SOX5: variants seen among roughly 807,000 people sequenced by gnomAD.
The protein encoded by SOX5 is SRY-box transcription factor 5.
A neutral mutation model predicts 92.0 loss-of-function variants in SOX5; 9 were observed. That is an observed-to-expected ratio of 0.10 (90% CI 0.06 to 0.17). SOX5 has a LOEUF of 0.17. Ranked by LOEUF, SOX5 falls within the 10% of genes least tolerant of loss-of-function variation. SOX5 has a pLI of 1.00. For missense variants in SOX5, 642 were observed against 944.5 expected (o/e 0.68, Z 4.20); for synonymous variants, 344 against 336.3 (o/e 1.02, Z -0.25).
upstream of SOX5, among the ~76,000 whole-genome samples, chr12:23,955,881 G>C (rs1182912318): frequency 2.6e-5 from 4 of 152,114 alleles, no homozygotes; most frequent in East Asian, 7.7e-4. Context: ...GGAACATCCT[G>C]CAAGACATTT....
At chr12:23,547,063 C>G (rs1254722390) in intron 11 of SOX5, among the ~76,000 whole-genome samples, 1 of 151,964 alleles carries the variant, frequency 6.6e-6, no homozygotes, top group Non-Finnish European at 1.5e-5. Context: ...ACAAATATAC[C>G]AAAATTAGAT....
At chr12:23,664,186 A>C (rs1403129520) in intron 7 of SOX5, among the ~76,000 whole-genome samples, 1 of 152,142 alleles carries the variant, frequency 6.6e-6, no homozygotes, top group African/African-American at 2.4e-5. Context: ...TAAATGTTGA[A>C]ATCCCCAATG....
At chr12:23,744,852 A>G (rs956488259) in intron 4 of SOX5, among the ~76,000 whole-genome samples, 23 of 152,154 alleles carry the variant, frequency 1.5e-4, no homozygotes, top group African/African-American at 5.5e-4. Context: ...TCTGGATGCT[A>G]GAAGTCTAAG....
chr12:23,711,472 T>C lies in SOX5; in HGVS notation c.810+23212A>G, dbSNP rs144858622. On this transcript the variant is annotated intron_variant, in intron 6 of 14. Transcript: ENST00000451604. ...ATATATATTTATGCCAAATCAACAATGTTGCTACACACATGCTGTATATCT... is the reference window on the plus strand; with the variant it reads ...ATATATATTTATGCCAAATCAACAACGTTGCTACACACATGCTGTATATCT... 3.9e-3 allele frequency among the ~76,000 whole-genome samples: 591 copies of C among 152,274 alleles called. 4 individuals are homozygous for C. Among genetic ancestry groups the C allele is most frequent in the African/African-American group, 0.013 (551 of 41,572 alleles).
At chr12:23,746,131 C>A (rs75476551) in intron 4 of SOX5, among the ~76,000 whole-genome samples, 2,115 of 152,200 alleles carry the variant, frequency 0.014, 49 homozygotes, top group African/African-American at 0.048. Context: ...GAAGTCCATC[C>A]CACGGCTTCA....
chr12:23,642,730 A>C (rs1730273498), intron 7 of SOX5, among the ~76,000 whole-genome samples: 1 of 152,196 alleles, frequency 6.6e-6, no homozygotes, highest in Non-Finnish European at 1.5e-5. Flanking sequence ...GGTTGAGTAA[A>C]ATCACTTGGG....
intron 4 of SOX5, among the ~76,000 whole-genome samples, chr12:24,088,534 T>C (rs1051901282): frequency 6.6e-6 from 1 of 151,976 alleles, no homozygotes; most frequent in Non-Finnish European, 1.5e-5. Context: ...AACACACATA[T>C]GAATTTGATA....
chr12:23,915,279 T>C (rs905910429), intron 1 of SOX5, among the ~76,000 whole-genome samples: 2 of 152,172 alleles, frequency 1.3e-5, no homozygotes, highest in Non-Finnish European at 2.9e-5. Context: ...GAATATCATT[T>C]AAACCACTTA....
intron 3 of SOX5, among the ~76,000 whole-genome samples, chr12:23,830,374 A>G (rs2096295962): frequency 6.6e-6 from 1 of 152,188 alleles, no homozygotes; most frequent in South Asian, 2.1e-4. Flanking sequence ...TTTTTCAGTG[A>G]CAGACTGCAT....
intron 3 of SOX5, among the ~76,000 whole-genome samples, chr12:24,275,102 T>A (rs991034322): frequency 6.6e-6 from 1 of 152,186 alleles, no homozygotes; most frequent in African/African-American, 2.4e-5. Context: ...TGAACAGAGA[T>A]ATATATAGTG....
intron 4 of SOX5, among the ~76,000 whole-genome samples, chr12:23,745,139 G>T (rs1247713903): frequency 1.3e-5 from 2 of 152,086 alleles, no homozygotes; most frequent in African/African-American, 4.8e-5. Context: ...GTGGGTAGGG[G>T]AAAGTGCGTA....
Position 24,036,046 on chromosome 12 carries a change from G to A in SOX5, c.-1-140022C>T, listed in dbSNP as rs557844199. ...AGAATGGGAAAATTATACAACACAC[G>A]CAGAAAATTCTTATAAAAGGCTTTA... On this transcript the variant is annotated intron_variant, in intron 4 of 4. Transcript: ENST00000446891. 4.6e-5 allele frequency among the ~76,000 whole-genome samples: 7 copies of A among 152,046 alleles called. No individual in the cohort carries two copies. The East Asian group carries it at 1.2e-3, about 25-fold the overall frequency.
intron 13 of SOX5, 92 bp downstream of exon 13, chr12:23,543,119 A>G (rs890167339): frequency 2.9e-6 from 3 of 1,017,008 alleles, no homozygotes; most frequent in Admixed American, 4.4e-5. Flanking sequence ...CACGACCTGT[A>G]TGGCCTCCAA....
chr12:23,847,386 A>G (rs1055018122), intron 2 of SOX5, among the ~76,000 whole-genome samples: 3 of 152,188 alleles, frequency 2.0e-5, no homozygotes, highest in Non-Finnish European at 4.4e-5. Flanking sequence ...TTTGAGACAC[A>G]GTAATACAAT....
chr12:24,364,291 T>G (rs1383320522), intron 2 of SOX5, among the ~76,000 whole-genome samples: 1 of 152,028 alleles, frequency 6.6e-6, no homozygotes, highest in African/African-American at 2.4e-5. Flanking sequence ...AATTCACATC[T>G]GTAAATGCAT....
At chr12:23,932,178 C>A (rs1268514474) in intron 1 of SOX5, among the ~76,000 whole-genome samples, 4 of 151,530 alleles carry the variant, frequency 2.6e-5, no homozygotes, top group Non-Finnish European at 5.9e-5. Flanking sequence ...CAATACCTGT[C>A]TTAAGAGCCC....
In SOX5 at chr12:24,010,797, G is replaced by A. The variant is rs138484916; in HGVS notation, c.-1-114773C>T. Among the ~76,000 whole-genome samples, 50 of 152,024 alleles carry A rather than the reference G, an allele frequency of 3.3e-4. 2 individuals carry two copies. The highest frequency in any genetic ancestry group is 1.1e-3 in the African/African-American group (45 of 41,488). ...TAAAAATACAAAAAAAAATTAGCCCGGTGTAGTGGCACATGCCTGTAGTCC... is the reference window on the plus strand; with the variant it reads ...TAAAAATACAAAAAAAAATTAGCCCAGTGTAGTGGCACATGCCTGTAGTCC... On this transcript the variant is annotated intron_variant, in intron 4 of 4. Coordinates refer to the SOX5 transcript ENST00000446891.
intron 2 of SOX5, among the ~76,000 whole-genome samples, chr12:24,338,674 G>T (rs1191770295): frequency 6.6e-6 from 1 of 152,124 alleles, no homozygotes; most frequent in Non-Finnish European, 1.5e-5. Flanking sequence ...GAGGGACCTG[G>T]TGGGAGGTAA....
At chr12:24,052,118 G>A (rs1957623337) in intron 4 of SOX5, among the ~76,000 whole-genome samples, 2 of 152,006 alleles carry the variant, frequency 1.3e-5, no homozygotes, top group African/African-American at 2.4e-5. Flanking sequence ...TCCCTTTACT[G>A]GCTCTTCTTC....
Sources: gnomAD v4.1 joint callset for allele counts (sites outside exome capture counted in the v4.1 genomes callset) on GRCh38, gnomAD v4.1.1 for gene constraint, MANE v1.5 for transcripts, NCBI Gene and HGNC (gene_info 2026-07-23, HGNC 2026-07-21) for gene names.